The following CAPN8 variants were observed in gnomAD, a reference collection of about 807,000 sequenced individuals.
CAPN8 encodes calpain-8.
A neutral mutation model predicts 80.9 loss-of-function variants in CAPN8; 87 were observed. The observed-to-expected ratio is 1.07, with a 90% CI of 0.90 to 1.28. The LOEUF (loss-of-function observed/expected upper bound fraction) is 1.28. CAPN8 is among the 50% of genes most tolerant of loss of function. The pLI is 0.00. For synonymous variants in CAPN8, 299 were observed against 273.8 expected, an observed-to-expected ratio of 1.09 and a Z score of -0.91; for missense variants, 757 against 702.0, an observed-to-expected ratio of 1.08 and a Z score of -0.89.
At chr1:223,661,703 C>T (rs1171312098) in intron 1 of CAPN8, among the ~76,000 whole-genome samples, 1 of 152,136 alleles carries the variant, frequency 6.6e-6, no homozygotes, top group Admixed American at 6.5e-5. Flanking sequence ...GAACCCTGTG[C>T]ACTGCTGGTG....
chr1:223,625,953 C>T, intron 5 of CAPN8, 65 bp from the exon 6 acceptor site: 1 of 1,341,312 alleles, frequency 7.5e-7, no homozygotes, highest in Non-Finnish European at 1.0e-6. Flanking sequence ...CCGTAGAATG[C>T]TTTCCAAGGA....
chr1:223,612,225 T>C, intron 11 of CAPN8, 21 bp downstream of exon 11: 1 of 1,234,186 alleles, frequency 8.1e-7, no homozygotes, highest in Non-Finnish European at 1.0e-6. Flanking sequence ...AAGGAAGGAA[T>C]CTCTGTCAGC....
At chr1:223,623,271 C>T (rs36080106) in intron 6 of CAPN8, among the ~76,000 whole-genome samples, 80,253 of 151,988 alleles carry the variant, frequency 0.53, 21,885 homozygotes, top group African/African-American at 0.64. Flanking sequence ...TAACATTTAT[C>T]GAGCAGGTAC....
At chr1:223,637,760 G>T (rs1037878983) in intron 2 of CAPN8, among the ~76,000 whole-genome samples, 1 of 152,108 alleles carries the variant, frequency 6.6e-6, no homozygotes, top group Non-Finnish European at 1.5e-5. Flanking sequence ...CACCATCTCT[G>T]CCCTTGAGAA....
At chr1:223,612,559 C>A (rs1046109748) in intron 10 of CAPN8, among the ~76,000 whole-genome samples, 7 of 151,994 alleles carry the variant, frequency 4.6e-5, no homozygotes, top group Admixed American at 2.6e-4. Context: ...GGAGTAATAG[C>A]CTTGGGGTTT....
intron 2 of CAPN8, among the ~76,000 whole-genome samples, chr1:223,640,391 GA>G (rs760959175): frequency 3.1e-4 from 47 of 152,086 alleles, no homozygotes; most frequent in Non-Finnish European, 5.6e-4. Context: ...CTGCCTATAG[GA>G]AAACAAAAAC....
chr1:223,621,433 GGGAAA>G (rs1657390117), intron 7 of CAPN8, among the ~76,000 whole-genome samples: 2 of 152,062 alleles, frequency 1.3e-5, no homozygotes, highest in African/African-American at 4.8e-5. Context: ...CGGGTGCTCA[GGGAAA>G]GGAGAGAAAG....
intron 2 of CAPN8, among the ~76,000 whole-genome samples, chr1:223,633,023 A>AGCATAGGAGAGT (rs1657816317): frequency 6.6e-6 from 1 of 152,232 alleles, no homozygotes; most frequent in Non-Finnish European, 1.5e-5. Flanking sequence ...GATGAAGGTC[A>AGCATAGGAGAGT]GCATAGGAGA....
At chr1:223,627,971 G>A in intron 4 of CAPN8, 38 bp downstream of exon 4, 1 of 1,501,932 alleles carries the variant, frequency 6.7e-7, no homozygotes, top group African/African-American at 1.4e-5. Flanking sequence ...TTTCAGGGAG[G>A]CTCTGGCGTC....
At chr1:223,549,618 G>T (rs1023977204) in intron 15 of CAPN8, 7 of 667,318 alleles carry the variant, frequency 1.0e-5, no homozygotes, top group Admixed American at 6.8e-5. Context: ...CTGAACCTTG[G>T]CTTGGCTCCC....
intron 20 of CAPN8, 52 bp downstream of exon 20, chr1:223,543,056 A>G: frequency 6.5e-7 from 1 of 1,547,440 alleles, no homozygotes; most frequent in Non-Finnish European, 8.7e-7. Context: ...ACATGGTCCA[A>G]GAATTTCAGA....
chr1:223,543,269 T>C lies in CAPN8; in HGVS notation c.2030-103A>G, dbSNP rs138486905. On this transcript the variant is annotated intron_variant, in intron 19 of 20. Coordinates refer to ENST00000366872, the MANE Select transcript of CAPN8 (RefSeq NM_001143962.2). ...TACCCCATCCCCACCTGCGGAACTC[T>C]CCTTTCCCCTACCACCCCCTCCCCT... 1.0e-3 allele frequency: 1,341 copies of C among 1,343,816 alleles called. 8 individuals are homozygous for C. The African/African-American group carries it at 0.016, about 16-fold the overall frequency. The allele number at this position is 1,343,816 out of a possible 1,614,324, so 83.2% of individuals were successfully genotyped here. A position where few individuals can be genotyped will look rare whatever the true frequency, so the allele number is the denominator to read the frequency against.
rs575955782 is a variant in CAPN8 at position 223,625,469 on chromosome 1, A to T, written c.813+336T>A. ...TTTTGTTTTAGAAAAAAAATTTTTAATTTTTTCGTAGCGATGAGGTCTTAC... is the reference window on the plus strand; with the variant it reads ...TTTTGTTTTAGAAAAAAAATTTTTATTTTTTTCGTAGCGATGAGGTCTTAC... On this transcript the variant is annotated intron_variant, in intron 6 of 20. Transcript: ENST00000366872. 2.0e-5 allele frequency among the ~76,000 whole-genome samples: 3 copies of T among 152,134 alleles called. No homozygotes were observed. In the East Asian group the frequency reaches 5.8e-4, roughly 29 times the overall value.
At chr1:223,626,812 T>C (rs562653873) in intron 5 of CAPN8, among the ~76,000 whole-genome samples, 177 bp downstream of exon 5, 1 of 152,154 alleles carries the variant, frequency 6.6e-6, no homozygotes, top group South Asian at 2.1e-4. Flanking sequence ...ACTAATTAGG[T>C]CTTCACCAGC....
intron 2 of CAPN8, among the ~76,000 whole-genome samples, chr1:223,633,101 C>A (rs943377468): frequency 6.6e-6 from 1 of 152,210 alleles, no homozygotes; most frequent in South Asian, 2.1e-4. Flanking sequence ...TAGCCCTGGG[C>A]TGTCTGCCTC....
intron 1 of CAPN8, among the ~76,000 whole-genome samples, chr1:223,656,753 G>T (rs1454997739): frequency 7.1e-6 from 1 of 140,892 alleles, no homozygotes; most frequent in Admixed American, 7.8e-5. Flanking sequence ...GCGCGATCTC[G>T]GCTCACTGCA....
chr1:223,557,693 T>A (rs1158638487), intron 13 of CAPN8, among the ~76,000 whole-genome samples: 5 of 152,244 alleles, frequency 3.3e-5, no homozygotes, highest in Admixed American at 6.5e-5. Context: ...CCCCTCAGAC[T>A]ACACATACTC....
chr1:223,547,394 T>C (rs1362650876), intron 16 of CAPN8, among the ~76,000 whole-genome samples: 2 of 152,212 alleles, frequency 1.3e-5, no homozygotes, highest in Admixed American at 1.3e-4. Context: ...TTATATGAAA[T>C]GTCCACAATA....
At chr1:223,609,049 G>A (rs1656968852) in intron 12 of CAPN8, 104 bp downstream of exon 12, 1 of 396,818 alleles carries the variant, frequency 2.5e-6, no homozygotes, top group Non-Finnish European at 4.4e-6. Flanking sequence ...CTTCTTCTGG[G>A]AACATGTACT....
Sources: allele counts gnomAD v4.1 joint callset (sites outside exome capture counted in the v4.1 genomes callset), GRCh38; gene constraint gnomAD v4.1.1; transcripts MANE v1.5; gene names NCBI Gene and HGNC (gene_info 2026-07-23, HGNC 2026-07-21).